LRP1B: variants seen among roughly 807,000 people sequenced by gnomAD.
LRP1B encodes LDL receptor related protein 1B, also known as low-density lipoprotein receptor-related protein 1B.
Under a neutral mutation model 556.6 loss-of-function variants are expected in LRP1B, and 217 were observed. The ratio of observed to expected loss-of-function variants is 0.39; its 90% CI spans 0.35 to 0.44. The LOEUF (loss-of-function observed/expected upper bound fraction) is 0.44, where lower values mean the gene tolerates loss of function less well. Ranked by LOEUF, LRP1B falls within the 20% of genes least tolerant of loss-of-function variation. The probability of loss-of-function intolerance (pLI) is 1.00; values close to 1 mark genes in which losing one functional copy is unlikely to be tolerated. For missense variants in LRP1B, 5,053 were observed against 5,620.8 expected, an observed-to-expected ratio of 0.90 and a Z score of 3.23; for synonymous variants, 2,047 against 1,865.8, an observed-to-expected ratio of 1.10 and a Z score of -2.50.
rs114671907 is a variant in LRP1B, at chr2:141,403,402, C to T, written c.343+76994G>A. On this transcript the variant is annotated intron_variant, in intron 3 of 90. Transcript: ENST00000389484. The stretch of plus-strand genomic sequence containing the variant: ...TTCAACCCTTTAAGTTTACAAAAAA[C>T]TCAATAAAGGTATGTAATATTAACT... 2.2e-3 allele frequency among the ~76,000 whole-genome samples: 338 copies of T among 152,156 alleles called. 2 individuals carry two copies. Among genetic ancestry groups the T allele is most frequent in the African/African-American group, 7.9e-3 (330 of 41,516 alleles).
At chr2:141,006,433 T>A (rs75155151) in intron 14 of LRP1B, among the ~76,000 whole-genome samples, 2,536 of 152,130 alleles carry the variant, frequency 0.017, 77 homozygotes, top group African/African-American at 0.057. Flanking sequence ...GGTGTCGGTA[T>A]GAATAAATAC....
chr2:141,222,223 C>T (rs993194957), intron 6 of LRP1B, among the ~76,000 whole-genome samples: 15 of 152,164 alleles, frequency 9.9e-5, no homozygotes, highest in African/African-American at 3.4e-4. Flanking sequence ...ACTGATCTTA[C>T]AGAAATACAA....
chr2:141,070,890 G>A (rs967298540), intron 7 of LRP1B, among the ~76,000 whole-genome samples: 5 of 152,018 alleles, frequency 3.3e-5, no homozygotes, highest in Admixed American at 2.6e-4. Flanking sequence ...AAGAGTCCAG[G>A]ACCAGATGGA....
intron 1 of LRP1B, among the ~76,000 whole-genome samples, chr2:142,084,166 G>A (rs1358686420): frequency 6.6e-6 from 1 of 151,990 alleles, no homozygotes; most frequent in African/African-American, 2.4e-5. Context: ...ATTTTTAGTA[G>A]AGACTGGGTT....
At chr2:140,816,797 G>T (rs1335228368) in intron 31 of LRP1B, among the ~76,000 whole-genome samples, 1 of 151,838 alleles carries the variant, frequency 6.6e-6, no homozygotes, top group South Asian at 2.1e-4. Context: ...TCATAATATA[G>T]ATATATATAG....
chr2:141,435,163 C>G (rs916769176), intron 3 of LRP1B, among the ~76,000 whole-genome samples: 1 of 152,128 alleles, frequency 6.6e-6, no homozygotes, highest in Non-Finnish European at 1.5e-5. Flanking sequence ...CCAGGAGAGT[C>G]AACCCTGGGT....
intron 84 of LRP1B, among the ~76,000 whole-genome samples, chr2:140,297,211 G>A (rs1177683815): frequency 6.6e-6 from 1 of 151,996 alleles, no homozygotes; most frequent in South Asian, 2.1e-4. Context: ...GTGAGTTTGC[G>A]GCAGCTCTCT....
At chr2:140,455,256 T>C (rs1210260931) in intron 62 of LRP1B, among the ~76,000 whole-genome samples, 2 of 152,164 alleles carry the variant, frequency 1.3e-5, no homozygotes, top group African/African-American at 2.4e-5. Context: ...ACACATTTTG[T>C]AATAAAAGCA....
chr2:141,559,895 G>A (rs1300328061), intron 2 of LRP1B, among the ~76,000 whole-genome samples: 2 of 151,292 alleles, frequency 1.3e-5, no homozygotes, highest in East Asian at 1.9e-4. Flanking sequence ...TGTAAAGTTC[G>A]AGGTAGAAAC....
At chr2:141,675,358 C>A (rs1397956159) in intron 2 of LRP1B, among the ~76,000 whole-genome samples, 25 of 151,762 alleles carry the variant, frequency 1.6e-4, no homozygotes, top group Admixed American at 1.3e-3. Flanking sequence ...TTCTCACATA[C>A]TATTGCTAAG....
chr2:141,205,060 AC>A (rs1158743076), intron 6 of LRP1B, among the ~76,000 whole-genome samples: 4 of 152,204 alleles, frequency 2.6e-5, no homozygotes, highest in Admixed American at 2.0e-4. Flanking sequence ...AGTTTTAAAA[AC>A]ATTGGTTTAC....
chr2:140,287,911 A>AC (rs1247776116), intron 84 of LRP1B, among the ~76,000 whole-genome samples: 3 of 9,824 alleles, frequency 3.1e-4, no homozygotes, highest in Non-Finnish European at 1.4e-3. Context: ...CTTTCACTTT[A>AC]TTTGGAAAAT....
At chr2:141,107,152 C>T (rs1021537853) in intron 7 of LRP1B, among the ~76,000 whole-genome samples, 2 of 151,426 alleles carry the variant, frequency 1.3e-5, no homozygotes, top group Admixed American at 6.6e-5. Flanking sequence ...AAAGAATAGG[C>T]AAAAAAGTAA....
chr2:140,916,011 G>C lies in LRP1B; in HGVS notation c.3319+6954C>G, dbSNP rs368997300. ...CCACTGCACTCCAGCCCGGGTGACA[G>C]AGCGAGACTCTGTCTCAAGAAAAAA... On this transcript the variant is annotated intron_variant, in intron 21 of 90. Transcript: ENST00000389484. Among the ~76,000 whole-genome samples, 1,101 of 152,092 alleles carry C rather than the reference G, an allele frequency of 7.2e-3. 12 individuals carry two copies. The highest frequency in any genetic ancestry group is 0.025 in the African/African-American group (1,047 of 41,496).
chr2:141,753,714 AT>A (rs1433631797), intron 2 of LRP1B, among the ~76,000 whole-genome samples: 1 of 152,090 alleles, frequency 6.6e-6, no homozygotes, highest in Non-Finnish European at 1.5e-5. Flanking sequence ...CAAGATCTCA[AT>A]TCGACAGCAC....
intron 23 of LRP1B, among the ~76,000 whole-genome samples, chr2:140,886,625 T>G (rs531254829): frequency 0.091 from 3,690 of 40,412 alleles, 138 homozygotes; most frequent in African/African-American, 0.16. Context: ...GGATTTTCTG[T>G]TTTTTTTTTT....
chr2:140,767,735 C>A (rs979412835), intron 35 of LRP1B, among the ~76,000 whole-genome samples: 1 of 151,540 alleles, frequency 6.6e-6, no homozygotes, highest in Non-Finnish European at 1.5e-5. Flanking sequence ...GCCATGCTAA[C>A]TAATATTTTT....
intron 31 of LRP1B, among the ~76,000 whole-genome samples, chr2:140,837,466 T>C (rs1374466983): frequency 6.6e-6 from 1 of 152,188 alleles, no homozygotes; most frequent in African/African-American, 2.4e-5. Flanking sequence ...TCAGTTATGC[T>C]AAAATAGTAT....
chr2:141,063,663 C>G (rs974505266), intron 7 of LRP1B, among the ~76,000 whole-genome samples: 2 of 151,792 alleles, frequency 1.3e-5, no homozygotes, highest in African/African-American at 4.8e-5. Flanking sequence ...TTCCATCCTG[C>G]ATCTCTGTTT....
Sources: gnomAD v4.1 joint callset for allele counts (sites outside exome capture counted in the v4.1 genomes callset) on GRCh38, gnomAD v4.1.1 for gene constraint, MANE v1.5 for transcripts, NCBI Gene and HGNC (gene_info 2026-07-23, HGNC 2026-07-21) for gene names.